The following LILRA6 variants were observed in gnomAD, a reference collection of about 807,000 sequenced individuals.
LILRA6 encodes the protein leukocyte immunoglobulin like receptor A6.
LILRA6 carries 16 observed loss-of-function variants against 53.9 expected under a neutral mutation model. That is an observed-to-expected ratio of 0.30 (90% confidence interval 0.20 to 0.45). The LOEUF (loss-of-function observed/expected upper bound fraction) is 0.45. Among genes scored for constraint, LILRA6 ranks in the 20% least tolerant of loss-of-function variants. The probability of loss-of-function intolerance (pLI) is 1.00; values close to 1 mark genes in which losing one functional copy is unlikely to be tolerated. For missense variants in LILRA6, 306 were observed against 618.6 expected (o/e 0.49, Z 5.36); for synonymous variants, 135 against 256.4 (o/e 0.53, Z 4.52).
In LILRA6 at chr19:54,239,951, C is replaced by A. The variant is rs1368240492; in HGVS notation, c.1259G>T (p.Gly420Val). ...TGGGAGGCTGGAGCCTCCAGAGTGTCCTGGAAGGAGCACGGGAGGCGGGTG... is the reference window on the plus strand; with the variant it reads ...TGGGAGGCTGGAGCCTCCAGAGTGTACTGGAAGGAGCACGGGAGGCGGGTG... Residue 420 changes from glycine (G) to valine (V), a missense_variant and splice_region_variant, in exon 7 of 8, where the codon GGA becomes GTA. Gly to Val is a moderately radical substitution (Grantham distance 109). This residue lies in a region of LILRA6 where 106 missense variants were observed against 196.8 expected (regional missense o/e 0.54). Coordinates refer to ENST00000396365, the Ensembl canonical transcript of LILRA6. 5 of 1,549,942 alleles carry A rather than the reference C, an allele frequency of 3.2e-6. No homozygotes were observed. In the African/African-American group the frequency reaches 6.9e-5, roughly 21 times the overall value.
exon 4 of LILRA6, chr19:54,241,644 T>C (rs753219328): frequency 1.3e-6 from 2 of 1,501,842 alleles, no homozygotes; most frequent in Admixed American, 1.8e-5. Flanking sequence ...ATAATAGTAA[T>C]AGCATGTGAA....
chr19:54,238,839 C>T lies in LILRA6; in HGVS notation c.*114G>A, dbSNP rs1600975823. The T allele has an allele frequency of 6.0e-6, 9 of 1,507,338 alleles. No individual in the cohort carries two copies. The East Asian group carries it at 2.1e-4, about 35-fold the overall frequency. 93.4% of individuals were successfully genotyped at this position (1,507,338 alleles called of 1,614,324 possible). A position where few individuals can be genotyped will look rare whatever the true frequency, so the allele number is the denominator to read the frequency against. On this transcript the variant is annotated 3_prime_UTR_variant, in exon 8 of 8. Transcript: ENST00000396365. ...ATGATTACCTTCCACAGTGTGTGGC[C>T]TGAAATCTCACCCCCCTCTGGAGGT...
chr19:54,240,911 C>A (rs201712177), exon 5 of LILRA6: 1 of 1,614,082 alleles, frequency 6.2e-7, no homozygotes, highest in African/African-American at 1.3e-5. Flanking sequence ...CCTGTACTGG[C>A]CCCCGTGGGA....
intron 7 of LILRA6, chr19:54,239,567 C>CA: frequency 1.1e-6 from 1 of 946,802 alleles, no homozygotes; most frequent in East Asian, 2.7e-5. Flanking sequence ...CATTTGAGCT[C>CA]AGAGAGGACA....
intron 5 of LILRA6, 34 bp from the exon 6 acceptor site, chr19:54,240,610 C>T (rs1229266044): frequency 1.7e-5 from 27 of 1,567,114 alleles, no homozygotes; most frequent in South Asian, 2.5e-5. Flanking sequence ...GGGGCTGCCC[C>T]ACCTTGCTCT....
At chr19:54,240,544 G>T in exon 6 of LILRA6, 1 of 1,608,742 alleles carries the variant, frequency 6.2e-7, no homozygotes, top group African/African-American at 1.3e-5. Flanking sequence ...GGGCCCGGCT[G>T]TGCTGACAGG....
intron 7 of LILRA6, chr19:54,239,374 C>T (rs1403831610): frequency 1.2e-6 from 1 of 800,492 alleles, no homozygotes. Context: ...TCAATAAACC[C>T]TCCCTCTCCT....
At chr19:54,242,082 T>C (rs757947431) in exon 3 of LILRA6, 2 of 1,402,048 alleles carry the variant, frequency 1.4e-6, no homozygotes, top group African/African-American at 1.7e-5. Context: ...AGAGCTGTAA[T>C]AGTGGCAGCG....
Position 54,238,941 on chromosome 19 carries a change from C to T in LILRA6, c.*12G>A, listed in dbSNP as rs201086550. On this transcript the variant is annotated 3_prime_UTR_variant, in exon 8 of 8. Transcript: ENST00000396365. The stretch of plus-strand genomic sequence containing the variant: ...TCCACCACGCTGAAGGGTGCATTGT[C>T]CTCTCCGCTGTTCACCTCCCGGCTG... 5.8e-5 allele frequency: 94 copies of T among 1,610,070 alleles called. 9 individuals carry two copies. The African/African-American group carries it at 1.1e-3, about 19-fold the overall frequency.
chr19:54,239,494 C>T (rs1431627966), intron 7 of LILRA6: 2 of 652,774 alleles, frequency 3.1e-6, no homozygotes, highest in Non-Finnish European at 5.1e-6. Flanking sequence ...GCTGGATTCT[C>T]CACCTTCACT....
Position 54,242,033 on chromosome 19 carries a change from C to T in LILRA6, c.348G>A (p.Val116=), listed in dbSNP as rs759556691. 91 of 1,419,816 alleles carry T rather than the reference C, an allele frequency of 6.4e-5. 12 individuals are homozygous for T. The highest frequency in any genetic ancestry group is 4.2e-4 in the Middle Eastern group (2 of 4,762). The allele number at this position is 1,419,816 out of a possible 1,614,324, so 88.0% of individuals were successfully genotyped here. A position where few individuals can be genotyped will look rare whatever the true frequency, so the allele number is the denominator to read the frequency against. ...CCCAGAGTGTCCTCTCACCTGTCATCACCAGCTCCAGGGGGTCGCTGGGCT... is the reference window on the plus strand; with the variant it reads ...CCCAGAGTGTCCTCTCACCTGTCATTACCAGCTCCAGGGGGTCGCTGGGCT... The change falls in exon 3 of 8, where the codon GTG becomes GTA. Residue 116 remains valine (V), a synonymous_variant. Transcript: ENST00000396365.
At chr19:54,236,731 G>A (rs1209160706), downstream of LILRA6, 1 of 150,926 alleles carries the variant, frequency 6.6e-6, no homozygotes, top group African/African-American at 2.5e-5. Flanking sequence ...TAAAAAGAAG[G>A]AAATTGTACC....
chr19:54,237,128 C>T (rs1423579755), downstream of LILRA6: 3 of 150,840 alleles, frequency 2.0e-5, no homozygotes, highest in East Asian at 1.9e-4. Flanking sequence ...TATGGAAAGC[C>T]GACGCTGGTG....
chr19:54,238,563 C>T (rs943040896), exon 8 of LILRA6: 3 of 226,046 alleles, frequency 1.3e-5, no homozygotes, highest in African/African-American at 7.0e-5. Context: ...GTTCCAGAAC[C>T]TCCTGGGATC....
chr19:54,239,945 G>C, exon 7 of LILRA6: 1 of 1,550,762 alleles, frequency 6.4e-7, no homozygotes, highest in Admixed American at 2.0e-5. Context: ...GGAGCCTCCA[G>C]AGTGTCCTGG....
chr19:54,239,065 A>C, exon 8 of LILRA6: 1 of 1,611,344 alleles, frequency 6.2e-7, no homozygotes, highest in South Asian at 1.1e-5. Context: ...GAGATTCTCC[A>C]CTGTGTAATC....
intron 7 of LILRA6, 56 bp from the exon 8 acceptor site, chr19:54,239,145 G>C: frequency 6.2e-7 from 1 of 1,605,268 alleles, no homozygotes; most frequent in Non-Finnish European, 8.5e-7. Context: ...CTTCACCCAG[G>C]ACCCCTGGAT....
At chr19:54,238,228 G>A (rs1207762090), downstream of LILRA6, 1 of 150,494 alleles carries the variant, frequency 6.6e-6, no homozygotes, top group Non-Finnish European at 1.5e-5. Context: ...TAGTAGAGAC[G>A]GGGTTTCACT....
At chr19:54,242,645 T>G in intron 1 of LILRA6, 73 bp downstream of exon 1, 1 of 1,094,788 alleles carries the variant, frequency 9.1e-7, no homozygotes, top group East Asian at 2.5e-5. Context: ...GGTCTCCTGA[T>G]GGACCAGGGC....
Sources: allele counts gnomAD v4.1 joint callset, GRCh38; gene constraint gnomAD v4.1.1; regional missense constraint gnomAD v4.1.1; transcripts MANE v1.5; gene names NCBI Gene and HGNC (gene_info 2026-07-23, HGNC 2026-07-21).